Variants in RBFOX1 observed in about 807,000 individuals in gnomAD.
RBFOX1 encodes RNA binding protein fox-1 homolog 1.
In RBFOX1, 8 loss-of-function variants were observed where a neutral mutation model predicts 57.7. That is an observed-to-expected ratio of 0.14 (90% confidence interval 0.08 to 0.25). RBFOX1 has a LOEUF of 0.25. Ranked by LOEUF, RBFOX1 falls within the 10% of genes least tolerant of loss-of-function variation. The pLI is 1.00. For synonymous variants in RBFOX1, 326 were observed against 222.4 expected, an observed-to-expected ratio of 1.47 and a Z score of -4.15; for missense variants, 611 against 548.5, an observed-to-expected ratio of 1.11 and a Z score of -1.14.
chr16:6,979,768 C>A (rs1476900085), intron 3 of RBFOX1, among the ~76,000 whole-genome samples: 1 of 152,110 alleles, frequency 6.6e-6, no homozygotes, highest in African/African-American at 2.4e-5. Flanking sequence ...TCTAAAAATG[C>A]AAAAATCATC....
intron 3 of RBFOX1, among the ~76,000 whole-genome samples, chr16:6,920,028 TATG>T (rs1311392330): frequency 1.3e-5 from 2 of 152,038 alleles, no homozygotes; most frequent in African/African-American, 4.8e-5. Context: ...AGACGGAAAA[TATG>T]ATATTTGTTT....
chr16:6,420,456 GAATCAA>G lies in RBFOX1; in HGVS notation c.-64+103400_-64+103405del, dbSNP rs779319467. Among the ~76,000 whole-genome samples the G allele has an allele frequency of 7.6e-4, 116 of 152,194 alleles. No individual in the cohort carries two copies. In the Middle Eastern group the frequency reaches 0.014, roughly 18 times the overall value. On this transcript the variant is annotated intron_variant, in intron 2 of 15. Coordinates refer to ENST00000550418, the MANE Select transcript of RBFOX1 (RefSeq NM_018723.4). The stretch of plus-strand genomic sequence containing the variant: ...TGTAAATTAAAGAATTGGTGTTTCT[GAATCAA>G]GGATGAACAAAGAAAATGTAGTCTT...
chr16:6,955,033 C>G (rs1312252226), intron 3 of RBFOX1, among the ~76,000 whole-genome samples: 1 of 147,212 alleles, frequency 6.8e-6, no homozygotes, highest in Admixed American at 6.8e-5. Context: ...GAGTTCAAGA[C>G]AAGCCTGGGC....
chr16:7,646,680 T>C (rs891250654), intron 11 of RBFOX1, among the ~76,000 whole-genome samples: 4 of 152,238 alleles, frequency 2.6e-5, no homozygotes, highest in African/African-American at 7.2e-5. Context: ...TTTATGGCTT[T>C]GGTGCAGAAT....
chr16:7,498,531 T>C (rs766284291), intron 4 of RBFOX1, among the ~76,000 whole-genome samples: 19 of 152,176 alleles, frequency 1.2e-4, no homozygotes, highest in Non-Finnish European at 1.9e-4. Context: ...CAAGCAGATA[T>C]ATCCCAATAT....
chr16:6,517,166 G>C (rs1259942089), intron 2 of RBFOX1, among the ~76,000 whole-genome samples: 1 of 152,080 alleles, frequency 6.6e-6, no homozygotes, highest in Non-Finnish European at 1.5e-5. Context: ...TCCTAATTTA[G>C]GTCCTTGGCT....
chr16:6,579,511 G>A (rs1028784365), intron 2 of RBFOX1, among the ~76,000 whole-genome samples: 3 of 152,082 alleles, frequency 2.0e-5, no homozygotes, highest in African/African-American at 7.2e-5. Flanking sequence ...GATAGGGAGC[G>A]AGTTCTCACA....
At chr16:7,123,627 A>G (rs2067716150) in intron 4 of RBFOX1, among the ~76,000 whole-genome samples, 1 of 152,104 alleles carries the variant, frequency 6.6e-6, no homozygotes, top group Non-Finnish European at 1.5e-5. Flanking sequence ...AACTTCTCAG[A>G]GTGCTGGGAC....
At chr16:7,477,395 T>C (rs1292510840) in intron 4 of RBFOX1, among the ~76,000 whole-genome samples, 2 of 152,086 alleles carry the variant, frequency 1.3e-5, no homozygotes, top group African/African-American at 4.8e-5. Flanking sequence ...GAAAAGAGGG[T>C]TTACCCGTGG....
intron 1 of RBFOX1, among the ~76,000 whole-genome samples, chr16:5,344,494 C>T (rs958324290): frequency 6.6e-6 from 1 of 152,188 alleles, no homozygotes; most frequent in Non-Finnish European, 1.5e-5. Flanking sequence ...CCTCACCTCC[C>T]TCCCCAATTC....
chr16:7,422,777 C>T (rs145585089), intron 4 of RBFOX1: 6 of 152,314 alleles, frequency 3.9e-5, no homozygotes, highest in African/African-American at 1.4e-4. Context: ...TTGAGCAAAG[C>T]AGTGTGATTA....
intron 1 of RBFOX1, among the ~76,000 whole-genome samples, chr16:6,022,729 A>T (rs1437445605): frequency 6.6e-6 from 1 of 152,232 alleles, no homozygotes; most frequent in African/African-American, 2.4e-5. Context: ...AATTTGTGAT[A>T]GTATCTAAAC....
intron 4 of RBFOX1, among the ~76,000 whole-genome samples, chr16:7,246,563 C>A (rs553729417): frequency 1.3e-4 from 20 of 151,958 alleles, no homozygotes; most frequent in Non-Finnish European, 2.8e-4. Flanking sequence ...CCACAAACGC[C>A]AAGCTTATTA....
intron 1 of RBFOX1, among the ~76,000 whole-genome samples, chr16:6,189,576 C>G (rs922426101): frequency 6.6e-6 from 1 of 152,162 alleles, no homozygotes; most frequent in Admixed American, 6.5e-5. Context: ...GCTGTCCCAC[C>G]TGCTCTCGTT....
At position 6,886,559 on chromosome 16, in the gene RBFOX1, C is replaced by G. The variant is rs558016270; in HGVS notation, c.-15-165498C>G. On this transcript the variant is annotated intron_variant, in intron 3 of 15. Transcript: ENST00000550418. ...CCTGAGTTCAGGAGTTTGAGACTAG[C>G]CTGGTCTACATGGTGAAACCATGTC... is the stretch of plus-strand genomic sequence containing the variant. Among the ~76,000 whole-genome samples, 53 of 151,926 alleles carry G rather than the reference C, an allele frequency of 3.5e-4. 2 individuals carry two copies. In the South Asian group the frequency reaches 0.01, roughly 30 times the overall value.
At chr16:6,342,738 G>A (rs372541360) in intron 2 of RBFOX1, among the ~76,000 whole-genome samples, 3 of 152,044 alleles carry the variant, frequency 2.0e-5, no homozygotes, top group Non-Finnish European at 2.9e-5. Context: ...AAATCTCTTC[G>A]GTGCGTATCT....
At chr16:7,238,630 C>G (rs2093897860) in intron 4 of RBFOX1, among the ~76,000 whole-genome samples, 1 of 152,122 alleles carries the variant, frequency 6.6e-6, no homozygotes, top group Non-Finnish European at 1.5e-5. Flanking sequence ...GCATTTCTTT[C>G]TCTCTTTTTT....
intron 2 of RBFOX1, among the ~76,000 whole-genome samples, chr16:6,615,724 C>T (rs1040415334): frequency 2.0e-5 from 3 of 152,116 alleles, no homozygotes; most frequent in African/African-American, 7.2e-5. Flanking sequence ...TTGTATTTCC[C>T]TCCTTTGAAA....
chr16:7,648,629 C>G (rs1032637572), intron 11 of RBFOX1, among the ~76,000 whole-genome samples: 1 of 152,114 alleles, frequency 6.6e-6, no homozygotes. Flanking sequence ...CCTGGTTGCA[C>G]ATAATTATTT....
Sources: allele counts gnomAD v4.1 joint callset (sites outside exome capture counted in the v4.1 genomes callset), GRCh38; gene constraint gnomAD v4.1.1; transcripts MANE v1.5; gene names NCBI Gene and HGNC (gene_info 2026-07-23, HGNC 2026-07-21).